PRUNE2: variants seen among roughly 807,000 people sequenced by gnomAD.
PRUNE2 encodes prune homolog 2 with BCH domain, also known as protein prune homolog 2.
In PRUNE2, 164 loss-of-function variants were observed where a neutral mutation model predicts 252.0. That is an observed-to-expected ratio of 0.65 (90% confidence interval 0.57 to 0.74). PRUNE2 has a LOEUF of 0.74. PRUNE2 is among the 30% of genes least tolerant of loss of function. PRUNE2 has a pLI of 0.00. For synonymous variants in PRUNE2, 1,292 were observed against 1,350.2 expected (o/e 0.96, Z 0.94); for missense variants, 3,495 against 3,711.0 (o/e 0.94, Z 1.51).
chr9:76,751,586 T>A (rs1310133051), intron 6 of PRUNE2, among the ~76,000 whole-genome samples: 1 of 152,212 alleles, frequency 6.6e-6, no homozygotes. Flanking sequence ...TAAATTTGTA[T>A]CTTCGTGGGA....
intron 9 of PRUNE2, among the ~76,000 whole-genome samples, chr9:76,658,251 G>C (rs1196800737): frequency 6.6e-6 from 1 of 152,142 alleles, no homozygotes; most frequent in African/African-American, 2.4e-5. Context: ...CCAGCTACTC[G>C]GGAGGCTGAG....
intron 6 of PRUNE2, among the ~76,000 whole-genome samples, chr9:76,761,132 T>C (rs978859501): frequency 1.3e-5 from 2 of 151,236 alleles, no homozygotes; most frequent in East Asian, 3.9e-4. Context: ...CTGAATTTAA[T>C]CCAACCAAAT....
At chr9:76,899,609 T>C (rs1379167509) in intron 1 of PRUNE2, among the ~76,000 whole-genome samples, 1 of 152,170 alleles carries the variant, frequency 6.6e-6, no homozygotes, top group Non-Finnish European at 1.5e-5. Flanking sequence ...AAACCACTCT[T>C]TGAGCATCAG....
intron 1 of PRUNE2, among the ~76,000 whole-genome samples, chr9:76,877,161 C>T (rs1589724559): frequency 6.6e-6 from 1 of 151,808 alleles, no homozygotes; most frequent in Non-Finnish European, 1.5e-5. Context: ...GAAGAGGTAT[C>T]CCAGGAAGAT....
Position 76,854,164 on chromosome 9 carries a change from A to T in PRUNE2, c.81T>A (p.Pro27=), listed in dbSNP as rs766813090. The T allele has an allele frequency of 6.2e-7, 1 of 1,606,288 alleles. No individual in the cohort carries two copies. The highest frequency in any genetic ancestry group is 8.5e-7 in the Non-Finnish European group (1 of 1,174,846). ...TGAGAGAATCCAAGTCACACGATTT[A>T]GGCCCAATAACCACATGGACCTTCT... ...RLEKVHVVIG[P]KSCDLDSLIS... Residue 27 remains proline (P), a synonymous_variant, in exon 2 of 19, where the codon CCT becomes CCA. Coordinates refer to ENST00000376718, the MANE Select transcript of PRUNE2 (RefSeq NM_015225.3).
intron 1 of PRUNE2, among the ~76,000 whole-genome samples, chr9:76,903,867 C>T (rs1358896154): frequency 6.6e-5 from 10 of 152,304 alleles, no homozygotes; most frequent in African/African-American, 1.2e-4. Flanking sequence ...GGATTACAGG[C>T]GTGAGCCACC....
chr9:76,637,727 C>T (rs76233841), intron 13 of PRUNE2, among the ~76,000 whole-genome samples, 178 bp from the exon 14 acceptor site: 8,960 of 152,172 alleles, frequency 0.059, 328 homozygotes, highest in South Asian at 0.14. Context: ...ACTCATTTAT[C>T]GGTATGGCTA....
At chr9:76,670,409 G>A (rs1403996133) in intron 9 of PRUNE2, among the ~76,000 whole-genome samples, 14 of 152,066 alleles carry the variant, frequency 9.2e-5, no homozygotes, top group Admixed American at 1.3e-4. Flanking sequence ...CTACACCCAC[G>A]GAGTCTCGCT....
chr9:76,674,306 T>A (rs1053316830), intron 9 of PRUNE2, among the ~76,000 whole-genome samples: 1 of 152,198 alleles, frequency 6.6e-6, no homozygotes, highest in Non-Finnish European at 1.5e-5. Context: ...CCATTCGCAA[T>A]TGCTTCAAAG....
chr9:76,691,937 C>A (rs1440448737), intron 9 of PRUNE2: 5 of 632,548 alleles, frequency 7.9e-6, no homozygotes, highest in African/African-American at 1.8e-5. Context: ...GGGCAGAATT[C>A]GGCATCCTCT....
intron 1 of PRUNE2, among the ~76,000 whole-genome samples, chr9:76,867,806 T>C (rs2060934530): frequency 6.6e-6 from 1 of 152,062 alleles, no homozygotes; most frequent in African/African-American, 2.4e-5. Context: ...CTCCTGACCT[T>C]GTGATCCGCC....
chr9:76,841,433 T>C (rs896857081), intron 4 of PRUNE2, among the ~76,000 whole-genome samples: 3 of 152,204 alleles, frequency 2.0e-5, no homozygotes, highest in Non-Finnish European at 2.9e-5. Context: ...TTTGTTTTCA[T>C]ACCCCAGTGG....
At chr9:76,691,949 A>C in intron 9 of PRUNE2, 2 of 651,870 alleles carry the variant, frequency 3.1e-6, no homozygotes, top group Non-Finnish European at 5.7e-6. Flanking sequence ...GCATCCTCTC[A>C]TCCCCCTCCC....
At chr9:76,674,805 C>A (rs374545568) in intron 9 of PRUNE2, among the ~76,000 whole-genome samples, 4 of 119,814 alleles carry the variant, frequency 3.3e-5, no homozygotes, top group Non-Finnish European at 7.6e-5. Flanking sequence ...GAAAAACAAG[C>A]AATGGGGAAA....
intron 9 of PRUNE2, among the ~76,000 whole-genome samples, chr9:76,676,950 A>C (rs1193081605): frequency 6.6e-6 from 1 of 152,206 alleles, no homozygotes; most frequent in Non-Finnish European, 1.5e-5. Flanking sequence ...CACTGTCCAC[A>C]TGTCTATTAT....
chr9:76,695,538 T>C (rs1238300601), intron 9 of PRUNE2, among the ~76,000 whole-genome samples: 1 of 152,124 alleles, frequency 6.6e-6, no homozygotes, highest in Non-Finnish European at 1.5e-5. Flanking sequence ...TGAAAATGGG[T>C]AACTATGGCC....
At chr9:76,731,064 T>C (rs1032683675) in intron 6 of PRUNE2, among the ~76,000 whole-genome samples, 2 of 152,148 alleles carry the variant, frequency 1.3e-5, no homozygotes, top group Non-Finnish European at 1.5e-5. Context: ...ACTGAGAATA[T>C]GGCAACAGAA....
At chr9:76,843,619 G>A (rs1418882766) in intron 4 of PRUNE2, among the ~76,000 whole-genome samples, 1 of 151,926 alleles carries the variant, frequency 6.6e-6, no homozygotes, top group Non-Finnish European at 1.5e-5. Context: ...TATTTTATAG[G>A]AACAGAGAAA....
Position 76,846,510 on chromosome 9 carries a change from C to G in PRUNE2, c.508+5G>C. The G allele has an allele frequency of 6.2e-7, 1 of 1,610,170 alleles. No homozygotes were observed. Among genetic ancestry groups the G allele is most frequent in the Non-Finnish European group, 8.5e-7 (1 of 1,177,562 alleles). On this transcript the variant is annotated splice_donor_5th_base_variant and intron_variant, in intron 4 of 18. Transcript: ENST00000376718. ...CAGTATTTAATAGGAAGAGCCATCT[C>G]TCACCTCTGAGGCGATGAGCCAGTT...
Sources: gnomAD v4.1 joint callset for allele counts (sites outside exome capture counted in the v4.1 genomes callset) on GRCh38, gnomAD v4.1.1 for gene constraint, MANE v1.5 for transcripts, NCBI Gene and HGNC (gene_info 2026-07-23, HGNC 2026-07-21) for gene names.